The following ARIH1 variants were observed in gnomAD, a reference collection of about 807,000 sequenced individuals.
The protein encoded by ARIH1 is ariadne RBR E3 ubiquitin protein ligase 1, also known as E3 ubiquitin-protein ligase ARIH1.
ARIH1 carries 8 observed loss-of-function variants against 85.0 expected under a neutral mutation model. The ratio of observed to expected loss-of-function variants is 0.09; its 90% CI spans 0.06 to 0.17. The LOEUF (loss-of-function observed/expected upper bound fraction) is 0.17. Ranked by LOEUF, ARIH1 falls within the 10% of genes least tolerant of loss-of-function variation. The pLI, the probability that ARIH1 is intolerant of heterozygous loss-of-function variation, is 1.00. For missense variants in ARIH1, 311 were observed against 718.1 expected, an observed-to-expected ratio of 0.43 and a Z score of 6.48; for synonymous variants, 238 against 253.6, an observed-to-expected ratio of 0.94 and a Z score of 0.59.
chr15:72,492,569 C>G (rs916852478), intron 1 of ARIH1, among the ~76,000 whole-genome samples: 3 of 152,172 alleles, frequency 2.0e-5, no homozygotes, highest in Non-Finnish European at 2.9e-5. Flanking sequence ...AATTACTTGT[C>G]ATTTAATTTG....
At chr15:72,526,915 TAA>T (rs1475478614) in intron 2 of ARIH1, among the ~76,000 whole-genome samples, 3 of 146,850 alleles carry the variant, frequency 2.0e-5, no homozygotes, top group African/African-American at 7.3e-5. Flanking sequence ...TTTTACAAAC[TAA>T]ATAGAATTTT....
At position 72,570,233 on chromosome 15, in the gene ARIH1, C is replaced by T; in HGVS notation, c.1083C>T (p.Val361=). 6.2e-7 allele frequency: 1 copy of T among 1,614,080 alleles called. No homozygotes were observed. The highest frequency in any genetic ancestry group is 1.1e-5 in the South Asian group (1 of 91,082). Residue 361 remains valine, a synonymous_variant, in exon 10 of 14, where the codon GTC becomes GTT. Coordinates refer to ENST00000379887, the MANE Select transcript of ARIH1 (RefSeq NM_005744.5). ...AGGATGGTGGTTGTAATCACATGGT[C>T]TGTCGTAACCAGAATTGTAAAGCAG... is the stretch of plus-strand genomic sequence containing the variant. ...IEKDGGCNHM[V]CRNQNCKAEF...
At position 72,484,892 on chromosome 15, in the gene ARIH1, G is replaced by A. The variant is rs367798269; in HGVS notation, c.375+9878G>A. Among the ~76,000 whole-genome samples the A allele has an allele frequency of 5.3e-5, 8 of 152,032 alleles. No homozygotes were observed. The East Asian group carries it at 9.6e-4, about 18-fold the overall frequency. On this transcript the variant is annotated intron_variant, in intron 1 of 13. Transcript: ENST00000379887. ...GTTGCGAATTGTACTGCTACAAATG[G>A]CGTGTGCAAGTATCTTTTTCGTATA...
intron 1 of ARIH1, among the ~76,000 whole-genome samples, chr15:72,501,011 A>G (rs561419076): frequency 5.9e-5 from 9 of 152,308 alleles, no homozygotes; most frequent in African/African-American, 1.9e-4. Flanking sequence ...TCTTAGACCA[A>G]ATATACACTA....
chr15:72,551,032 G>A (rs2064150801), intron 3 of ARIH1, among the ~76,000 whole-genome samples: 2 of 152,070 alleles, frequency 1.3e-5, no homozygotes, highest in South Asian at 4.1e-4. Flanking sequence ...TTGATGTGCT[G>A]TATATAGAAT....
chr15:72,496,386 C>T (rs547576187), intron 1 of ARIH1, among the ~76,000 whole-genome samples: 1 of 152,222 alleles, frequency 6.6e-6, no homozygotes, highest in South Asian at 2.1e-4. Context: ...AGCACACAGA[C>T]CTTAGTGTCA....
At chr15:72,534,042 GT>G (rs2064070093) in intron 2 of ARIH1, among the ~76,000 whole-genome samples, 1 of 152,038 alleles carries the variant, frequency 6.6e-6, no homozygotes, top group African/African-American at 2.4e-5. Flanking sequence ...CTATTCAGCA[GT>G]GCAAAATAAA....
chr15:72,566,744 T>C (rs931886090), intron 8 of ARIH1, 139 bp downstream of exon 8: 18 of 756,526 alleles, frequency 2.4e-5, no homozygotes, highest in African/African-American at 5.3e-5. Context: ...GATCATTACA[T>C]GTATTCAGAG....
At chr15:72,512,333 C>A (rs1595857417) in intron 1 of ARIH1, among the ~76,000 whole-genome samples, 1 of 151,942 alleles carries the variant, frequency 6.6e-6, no homozygotes, top group East Asian at 1.9e-4. Context: ...GATATAGGAT[C>A]ATTCGTGTTG....
chr15:72,565,406 C>G (rs2140433675), intron 7 of ARIH1, among the ~76,000 whole-genome samples: 1 of 152,060 alleles, frequency 6.6e-6, no homozygotes, highest in East Asian at 1.9e-4. Flanking sequence ...TTCTTTTTTG[C>G]TGCGGGGTGG....
chr15:72,585,460 A>G lies in ARIH1; in HGVS notation c.*2168A>G, dbSNP rs1373363084. The stretch of plus-strand genomic sequence containing the variant: ...AGTTCCTTTCCCTGGTAACTTTGAA[A>G]AGCAGTCAGAGTTGCTATATAGATA... On this transcript the variant is annotated 3_prime_UTR_variant, in exon 14 of 14. Coordinates refer to ENST00000379887, the MANE Select transcript of ARIH1 (RefSeq NM_005744.5). 6.6e-6 allele frequency: 1 copy of G among 152,158 alleles called. No homozygotes were observed. Among genetic ancestry groups the G allele is most frequent in the Non-Finnish European group, 1.5e-5 (1 of 68,034 alleles). 9.4% of individuals were successfully genotyped at this position (152,158 alleles called of 1,614,324 possible).
intron 5 of ARIH1, 131 bp downstream of exon 5, chr15:72,556,038 G>A: frequency 1.4e-6 from 1 of 696,646 alleles, no homozygotes; most frequent in Non-Finnish European, 2.4e-6. Context: ...GCGTTCCTTA[G>A]TAGTAGTACA....
Position 72,475,082 on chromosome 15 carries a change from T to C in ARIH1, c.375+68T>C. The C allele has an allele frequency of 1.1e-5, 17 of 1,536,992 alleles. No individual in the cohort carries two copies. The South Asian group carries it at 1.9e-4, about 17-fold the overall frequency. Reference sequence around the variant, plus strand: ...GAGCGGATTCAGGCGGCACGCGCGGTCCCGAGGGACAGGCCTGGGCCTGGT... The same window carrying C: ...GAGCGGATTCAGGCGGCACGCGCGGCCCCGAGGGACAGGCCTGGGCCTGGT... On this transcript the variant is annotated intron_variant, in intron 1 of 13. Coordinates refer to ENST00000379887, the MANE Select transcript of ARIH1 (RefSeq NM_005744.5).
At chr15:72,489,096 G>A (rs2706453) in intron 1 of ARIH1, among the ~76,000 whole-genome samples, 1,925 of 152,070 alleles carry the variant, frequency 0.013, 36 homozygotes, top group African/African-American at 0.043. Flanking sequence ...AATAAAATTA[G>A]CTGGGCTTGG....
intron 2 of ARIH1, among the ~76,000 whole-genome samples, chr15:72,529,330 A>C (rs1015433558): frequency 1.3e-5 from 2 of 152,050 alleles, no homozygotes; most frequent in African/African-American, 2.4e-5. Flanking sequence ...GCATCCTTGA[A>C]CTCCGGGGCT....
At chr15:72,500,102 T>C (rs77700326) in intron 1 of ARIH1, among the ~76,000 whole-genome samples, 2 of 7,646 alleles carry the variant, frequency 2.6e-4, no homozygotes, top group African/African-American at 2.7e-4. Context: ...ATTTCTCTCT[T>C]TTTTTTTTTT....
chr15:72,543,315 C>A (rs1456855373), intron 2 of ARIH1, among the ~76,000 whole-genome samples: 1 of 151,990 alleles, frequency 6.6e-6, no homozygotes, highest in Non-Finnish European at 1.5e-5. Context: ...CGAGATGGCG[C>A]CACTGCACTC....
chr15:72,542,987 G>A (rs2064114591), intron 2 of ARIH1, among the ~76,000 whole-genome samples: 1 of 150,218 alleles, frequency 6.7e-6, no homozygotes, highest in African/African-American at 2.5e-5. Flanking sequence ...AGAGTGCAGT[G>A]CAGTGGCACC....
chr15:72,513,987 C>T (rs954344579), intron 1 of ARIH1, among the ~76,000 whole-genome samples: 5 of 150,212 alleles, frequency 3.3e-5, no homozygotes, highest in East Asian at 3.9e-4. Flanking sequence ...GGGACTAATA[C>T]GCCACCACGC....
Sources: allele counts gnomAD v4.1 joint callset (sites outside exome capture counted in the v4.1 genomes callset), GRCh38; gene constraint gnomAD v4.1.1; transcripts MANE v1.5; gene names NCBI Gene and HGNC (gene_info 2026-07-23, HGNC 2026-07-21).